The following RABGEF1 variants were observed in gnomAD, a reference collection of about 807,000 sequenced individuals.
The protein encoded by RABGEF1 is rab5 GDP/GTP exchange factor.
Under a neutral mutation model 57.3 loss-of-function variants are expected in RABGEF1, and 26 were observed. The observed-to-expected ratio is 0.45, with a 90% confidence interval of 0.33 to 0.63. The LOEUF is 0.63. Among genes scored for constraint, RABGEF1 ranks in the 20% least tolerant of loss-of-function variants. The pLI is 0.02. For missense variants in RABGEF1, 464 were observed against 607.6 expected, an observed-to-expected ratio of 0.76 and a Z score of 2.48; for synonymous variants, 185 against 210.7, an observed-to-expected ratio of 0.88 and a Z score of 1.06.
the RABGEF1 span, among the ~76,000 whole-genome samples, chr7:66,670,210 A>C: frequency 7.2e-5 from 11 of 152,004 alleles, no homozygotes; most frequent in Non-Finnish European, 4.4e-5. Flanking sequence ...TTTCCCCTGG[A>C]ATCTGTGTGT....
chr7:66,787,009 G>T (rs1811332299), intron 4 of RABGEF1, among the ~76,000 whole-genome samples: 1 of 152,176 alleles, frequency 6.6e-6, no homozygotes, highest in South Asian at 2.1e-4. Flanking sequence ...AACCTAATCT[G>T]TACAACATAA....
the RABGEF1 span, among the ~76,000 whole-genome samples, chr7:66,662,061 C>A: frequency 5.3e-5 from 8 of 151,976 alleles, no homozygotes; most frequent in Non-Finnish European, 1.0e-4. Flanking sequence ...CACGGTGAAA[C>A]CCCGTCTCTA....
intron 1 of RABGEF1, among the ~76,000 whole-genome samples, chr7:66,746,618 CTTTT>C (rs1206614304): frequency 2.2e-5 from 2 of 92,174 alleles, no homozygotes; most frequent in Non-Finnish European, 2.1e-5. Flanking sequence ...ATAATATAAC[CTTTT>C]TTTTTTTTTT....
upstream of RABGEF1, among the ~76,000 whole-genome samples, chr7:66,738,986 C>T (rs1431340575): frequency 1.3e-5 from 2 of 152,000 alleles, no homozygotes; most frequent in Non-Finnish European, 2.9e-5. Context: ...GAGTTTCACT[C>T]GTTGCCCAAG....
At chr7:66,707,565 G>A (rs1794282106) in intron 1 of RABGEF1, among the ~76,000 whole-genome samples, 2 of 152,254 alleles carry the variant, frequency 1.3e-5, no homozygotes, top group Admixed American at 6.5e-5. Context: ...GCACACACCT[G>A]TAATCCCAGC....
At chr7:66,706,987 A>G (rs920428074) in intron 1 of RABGEF1, among the ~76,000 whole-genome samples, 20 of 150,198 alleles carry the variant, frequency 1.3e-4, no homozygotes, top group South Asian at 4.2e-4. Flanking sequence ...GGGTTTCACC[A>G]TGTTAGCCAG....
intron 2 of RABGEF1, among the ~76,000 whole-genome samples, chr7:66,713,408 T>G (rs4717316): frequency 0.039 from 6,003 of 152,226 alleles, 167 homozygotes; most frequent in East Asian, 0.086. Context: ...GATTACAGGC[T>G]TGAGCCACTG....
chr7:66,776,165 C>T (rs1808481970), intron 3 of RABGEF1, among the ~76,000 whole-genome samples: 2 of 152,120 alleles, frequency 1.3e-5, no homozygotes, highest in Admixed American at 1.3e-4. Context: ...AGACTGGGAA[C>T]CAACACTGAT....
the RABGEF1 span, among the ~76,000 whole-genome samples, chr7:66,664,346 G>A: frequency 6.6e-6 from 1 of 152,018 alleles, no homozygotes; most frequent in African/African-American, 2.4e-5. Flanking sequence ...TTGGGAGGCC[G>A]AGGCGGGCAG....
At chr7:66,783,425 T>C (rs914502314) in intron 3 of RABGEF1, among the ~76,000 whole-genome samples, 1 of 152,236 alleles carries the variant, frequency 6.6e-6, no homozygotes, top group African/African-American at 2.4e-5. Flanking sequence ...AAAATACTAA[T>C]AGAACAACTT....
At chr7:66,686,253 C>T (rs910984970) in intron 1 of RABGEF1, among the ~76,000 whole-genome samples, 1 of 151,304 alleles carries the variant, frequency 6.6e-6, no homozygotes, top group Non-Finnish European at 1.5e-5. Context: ...TGCACTCCAT[C>T]CTGGGCAACA....
intron 1 of RABGEF1, among the ~76,000 whole-genome samples, chr7:66,709,961 C>T (rs537243870): frequency 3.3e-5 from 5 of 152,252 alleles, no homozygotes; most frequent in African/African-American, 7.2e-5. Flanking sequence ...TCTACCAAAA[C>T]AATAAAGTTG....
chr7:66,689,289 C>T (rs114990985), intron 1 of RABGEF1, among the ~76,000 whole-genome samples: 1,896 of 150,326 alleles, frequency 0.013, 38 homozygotes, highest in African/African-American at 0.043. Context: ...TCAGCAAAAT[C>T]GACAAGTTTT....
chr7:66,764,757 A>T (rs1201389078), intron 1 of RABGEF1, among the ~76,000 whole-genome samples: 1 of 152,194 alleles, frequency 6.6e-6, no homozygotes, highest in Non-Finnish European at 1.5e-5. Context: ...TTTTATGGAA[A>T]ATCAGTTGAC....
chr7:66,784,047 A>G (rs373308858), intron 4 of RABGEF1, among the ~76,000 whole-genome samples: 10 of 152,150 alleles, frequency 6.6e-5, no homozygotes, highest in African/African-American at 2.4e-4. Context: ...TGGTGTTTGG[A>G]TCATCTTTGT....
Position 66,730,279 on chromosome 7 carries a change from C to T in RABGEF1, c.-814-9717C>T, listed in dbSNP as rs76740987. ...CTCCACCTCTCAGCAGCCCTGAGAC[C>T]CTGAGGAAGTCACTCACTGTTTCTG... On this transcript the variant is annotated intron_variant and NMD_transcript_variant, in intron 2 of 9. Transcript: ENST00000607882. Among the ~76,000 whole-genome samples the T allele has an allele frequency of 5.1e-3, 773 of 152,322 alleles. 9 individuals are homozygous for T. The highest frequency in any genetic ancestry group is 0.018 in the African/African-American group (739 of 41,564).
intron 1 of RABGEF1, among the ~76,000 whole-genome samples, chr7:66,764,131 A>G (rs887271765): frequency 5.9e-5 from 9 of 152,248 alleles, no homozygotes; most frequent in African/African-American, 1.9e-4. Context: ...TCTTGGCAAC[A>G]CTTGTTATTT....
chr7:66,658,182 A>G, the RABGEF1 span, among the ~76,000 whole-genome samples: 1 of 152,200 alleles, frequency 6.6e-6, no homozygotes, highest in Admixed American at 6.6e-5. Flanking sequence ...ACCAAATGAA[A>G]TGGCAAATCT....
At chr7:66,746,762 T>G (rs1800343702) in intron 1 of RABGEF1, among the ~76,000 whole-genome samples, 1 of 150,516 alleles carries the variant, frequency 6.6e-6, no homozygotes, top group Admixed American at 6.7e-5. Context: ...TAGCTGGGAA[T>G]ATGGGCTCCT....
Sources: gnomAD v4.1 joint callset for allele counts (sites outside exome capture counted in the v4.1 genomes callset) on GRCh38, gnomAD v4.1.1 for gene constraint, MANE v1.5 for transcripts, NCBI Gene and HGNC (gene_info 2026-07-23, HGNC 2026-07-21) for gene names.